The following HELB variants were observed in gnomAD, a reference collection of about 807,000 sequenced individuals.
HELB encodes the protein DNA 5'-3' helicase B.
Under a neutral mutation model 101.7 loss-of-function variants are expected in HELB, and 96 were observed. That is an observed-to-expected ratio of 0.94 (90% confidence interval 0.80 to 1.12). The LOEUF is 1.12. HELB is among the 50% of genes most tolerant of loss of function. The pLI is 0.00. For missense variants in HELB, 1,210 were observed against 1,291.9 expected (o/e 0.94, Z 0.97); for synonymous variants, 437 against 459.7 (o/e 0.95, Z 0.63).
downstream of HELB, chr12:66,343,162 C>T (rs1297994086): frequency 1.3e-5 from 2 of 152,172 alleles, no homozygotes; most frequent in Non-Finnish European, 2.9e-5. Flanking sequence ...ATCTACTTGT[C>T]AGTTTCTGCA....
intron 11 of HELB, among the ~76,000 whole-genome samples, chr12:66,327,217 A>T (rs1210060286): frequency 6.6e-6 from 1 of 151,660 alleles, no homozygotes; most frequent in East Asian, 1.9e-4. Flanking sequence ...TTCCCTTAAG[A>T]CCAAAGTTCC....
intron 5 of HELB, among the ~76,000 whole-genome samples, 175 bp from the exon 6 acceptor site, chr12:66,315,067 G>C (rs530821733): frequency 6.6e-6 from 1 of 151,596 alleles, no homozygotes; most frequent in Non-Finnish European, 1.5e-5. Flanking sequence ...AGGTATGAAA[G>C]ATGTTCTATT....
chr12:66,326,089 C>G (rs2053733845), intron 11 of HELB, among the ~76,000 whole-genome samples: 2 of 152,162 alleles, frequency 1.3e-5, no homozygotes, highest in African/African-American at 4.8e-5. Context: ...TTTTGCTGTT[C>G]TAGGACAGCA....
Position 66,306,340 on chromosome 12 carries a change from T to C in HELB, c.608-5T>C, listed in dbSNP as rs1565635165. The C allele has an allele frequency of 1.9e-6, 3 of 1,573,688 alleles. No homozygotes were observed. Among genetic ancestry groups the C allele is most frequent in the Non-Finnish European group, 2.6e-6 (3 of 1,162,070 alleles). ...TTTACTTTGTTCCTTTCTGATATCT[T>C]GTAGTTCCATTTAGAAATGTAATGA... is the stretch of plus-strand genomic sequence containing the variant. On this transcript the variant is annotated splice_region_variant and splice_polypyrimidine_tract_variant and intron_variant, in intron 2 of 12. Coordinates refer to ENST00000247815, the MANE Select transcript of HELB (RefSeq NM_001370285.1).
In HELB at chr12:66,310,425, A is replaced by T; in HGVS notation, c.1497A>T (p.Glu499Asp). ...ATATAGAGCAGTTGGAAGAAAGAGAAGTAAAAAAAGCCTGTGAAGATTTTG... is the reference window on the plus strand; with the variant it reads ...ATATAGAGCAGTTGGAAGAAAGAGATGTAAAAAAAGCCTGTGAAGATTTTG... ...FKHIEQLEER[E>D]VKKACEDFEQ... Residue 499 changes from glutamate (E) to aspartate (D), a missense_variant, in exon 4 of 13, where the codon GAA becomes GAT. Physicochemically the swap from Glu to Asp is conservative, Grantham distance 45 (BLOSUM62 2). This residue lies in a region of HELB where 740 missense variants were observed against 728.8 expected (regional missense o/e 1.02). Transcript: ENST00000247815. The T allele has an allele frequency of 6.2e-7, 1 of 1,614,210 alleles. No homozygotes were observed. Among genetic ancestry groups the T allele is most frequent in the Non-Finnish European group, 8.5e-7 (1 of 1,180,046 alleles).
At position 66,325,193 on chromosome 12, in the gene HELB, C is replaced by G. The variant is rs10878408; in HGVS notation, c.2670+67C>G. 0.026 allele frequency: 31,252 copies of G among 1,180,240 alleles called. 1,189 individuals are homozygous for G. The highest frequency in any genetic ancestry group is 0.12 in the African/African-American group (8,080 of 64,862). The allele number at this position is 1,180,240 out of a possible 1,614,324, so 73.1% of individuals were successfully genotyped here. On this transcript the variant is annotated intron_variant, in intron 11 of 12. Coordinates refer to ENST00000247815, the MANE Select transcript of HELB (RefSeq NM_001370285.1). ...ACCTTAGAGCGCCTTGCATTGTTTT[C>G]GTAAATTTTTGTTGCACTTATTAGC...
intron 11 of HELB, among the ~76,000 whole-genome samples, chr12:66,330,183 A>G (rs1006132097): frequency 7.9e-5 from 12 of 152,216 alleles, no homozygotes; most frequent in African/African-American, 2.2e-4. Context: ...CCGCTGACTC[A>G]GAATATAGGA....
intron 11 of HELB, among the ~76,000 whole-genome samples, chr12:66,328,079 G>A (rs569647134): frequency 1.0e-3 from 157 of 152,168 alleles, no homozygotes; most frequent in African/African-American, 3.6e-3. Flanking sequence ...TGGCCACTGT[G>A]GGAGACTGAC....
Position 66,324,163 on chromosome 12 carries a change from T to C in HELB, c.2478T>C (p.Phe826=), listed in dbSNP as rs2053708155. Reference sequence around the variant, plus strand: ...ATTTTGCTAAAAATAAGCGTGACTTTGAAAGTAACGTTCGACTGTGCAATG... The same window carrying C: ...ATTTTGCTAAAAATAAGCGTGACTTCGAAAGTAACGTTCGACTGTGCAATG... The part of the protein sequence containing the change: ...LPDFAKNKRD[F]ESNVRLCNGE... Residue 826 remains phenylalanine, a synonymous_variant, in exon 10 of 13, where the codon TTT becomes TTC. Transcript: ENST00000247815. The C allele has an allele frequency of 2.5e-6, 4 of 1,613,874 alleles. No homozygotes were observed. The highest frequency in any genetic ancestry group is 2.2e-5 in the East Asian group (1 of 44,828).
intron 12 of HELB, 117 bp downstream of exon 12, chr12:66,331,762 A>G (rs2053812383): frequency 9.8e-7 from 1 of 1,019,076 alleles, no homozygotes; most frequent in Non-Finnish European, 1.4e-6. Context: ...CTTAAAAACA[A>G]TTGTTTTTCT....
chr12:66,310,343 T>C lies in HELB; in HGVS notation c.1415T>C (p.Val472Ala). Residue 472 changes from valine (V) to alanine (A), a missense_variant, in exon 4 of 13, where the codon GTC becomes GCC. This residue lies in a region of HELB where 740 missense variants were observed against 728.8 expected (regional missense o/e 1.02). Coordinates refer to ENST00000247815, the MANE Select transcript of HELB (RefSeq NM_001370285.1). ...LEMICSNPVT[V>A]ISGKGGCGKT... ...ATGATTTGCTCCAATCCTGTGACAG[T>C]CATAAGTGGGAAAGGTGGATGTGGG... The C allele has an allele frequency of 6.2e-7, 1 of 1,614,134 alleles. No individual in the cohort carries two copies. Among genetic ancestry groups the C allele is most frequent in the Non-Finnish European group, 8.5e-7 (1 of 1,180,022 alleles).
chr12:66,336,710 C>T (rs2053869798), intron 12 of HELB, among the ~76,000 whole-genome samples: 1 of 152,056 alleles, frequency 6.6e-6, no homozygotes, highest in African/African-American at 2.4e-5. Flanking sequence ...TAGGAGACTA[C>T]AGATGTAGAA....
chr12:66,318,294 A>T (rs910859340), intron 6 of HELB, among the ~76,000 whole-genome samples: 3 of 152,078 alleles, frequency 2.0e-5, no homozygotes, highest in Admixed American at 1.3e-4. Flanking sequence ...AAAGGATAAT[A>T]CCTTCCTTGC....
Position 66,317,814 on chromosome 12 carries a change from C to T in HELB, c.2001-824C>T, listed in dbSNP as rs896449937. ...CAGGTCCCAATTAAATCTGGGCTAT[C>T]GCCAGCAAGAACAGCCTCATTCCCT... is the stretch of plus-strand genomic sequence containing the variant. On this transcript the variant is annotated intron_variant, in intron 6 of 12. Coordinates refer to ENST00000247815, the MANE Select transcript of HELB (RefSeq NM_001370285.1). Among the ~76,000 whole-genome samples the T allele has an allele frequency of 2.6e-5, 4 of 152,174 alleles. 1 individual carries two copies. The South Asian group carries it at 6.2e-4, about 24-fold the overall frequency.
intron 6 of HELB, among the ~76,000 whole-genome samples, chr12:66,317,272 A>T (rs1275237108): frequency 1.3e-5 from 2 of 152,206 alleles, no homozygotes; most frequent in Non-Finnish European, 1.5e-5. Flanking sequence ...TTAAAGCCAT[A>T]CTTGGCCTCA....
At chr12:66,302,930 G>A in intron 1 of HELB, 140 bp downstream of exon 1, 1 of 621,320 alleles carries the variant, frequency 1.6e-6, no homozygotes, top group Non-Finnish European at 2.7e-6. Flanking sequence ...TCCTACCAAG[G>A]GTAAAATTAT....
At position 66,331,521 on chromosome 12, in the gene HELB, T is replaced by C. The variant is rs73329073; in HGVS notation, c.3038T>C (p.Phe1013Ser). 2,023 of 1,614,176 alleles carry C rather than the reference T, an allele frequency of 1.3e-3. 12 individuals carry two copies. The African/African-American group carries it at 0.021, about 17-fold the overall frequency. ...TCGCCTGATGAGAGGACACTCACCTTTGCTGAAAGATGGCAATTATCTTCA... is the reference window on the plus strand; with the variant it reads ...TCGCCTGATGAGAGGACACTCACCTCTGCTGAAAGATGGCAATTATCTTCA... ...ASSPDERTLTFAERWQLSSPD... is the reference protein window; with the variant it reads ...ASSPDERTLTSAERWQLSSPD... The change falls in exon 12 of 13, where the codon TTT becomes TCT. Residue 1013 changes from phenylalanine to serine, a missense_variant. Physicochemically the swap from Phe to Ser is radical, Grantham distance 155 (BLOSUM62 -2). This residue lies in a region of HELB where 740 missense variants were observed against 728.8 expected (regional missense o/e 1.02). Coordinates refer to ENST00000247815, the MANE Select transcript of HELB (RefSeq NM_001370285.1).
At chr12:66,316,978 C>T (rs927085241) in intron 6 of HELB, among the ~76,000 whole-genome samples, 30 of 148,066 alleles carry the variant, frequency 2.0e-4, no homozygotes, top group African/African-American at 6.6e-4. Context: ...GAGATCATGC[C>T]ACTGCACTCC....
intron 12 of HELB, among the ~76,000 whole-genome samples, chr12:66,332,687 C>A (rs984740376): frequency 2.6e-5 from 4 of 152,128 alleles, no homozygotes; most frequent in African/African-American, 9.7e-5. Context: ...TATACATTAA[C>A]CTTTTTTATA....
Sources: gnomAD v4.1 joint callset for allele counts (sites outside exome capture counted in the v4.1 genomes callset) on GRCh38, gnomAD v4.1.1 for gene constraint, gnomAD v4.1.1 regional missense constraint, MANE v1.5 for transcripts, NCBI Gene and HGNC (gene_info 2026-07-23, HGNC 2026-07-21) for gene names.